The following NCOR2 variants were observed in gnomAD, a reference collection of about 807,000 sequenced individuals.
The protein encoded by NCOR2 is CTG repeat protein 26.
Under a neutral mutation model 262.9 loss-of-function variants are expected in NCOR2, and 81 were observed. The ratio of observed to expected loss-of-function variants is 0.31; its 90% CI spans 0.26 to 0.37. The LOEUF (loss-of-function observed/expected upper bound fraction) is 0.37. Ranked by LOEUF, NCOR2 falls within the 10% of genes least tolerant of loss-of-function variation. The pLI, the probability that NCOR2 is intolerant of heterozygous loss-of-function variation, is 1.00. For synonymous variants in NCOR2, 1,659 were observed against 1,559.3 expected, an observed-to-expected ratio of 1.06 and a Z score of -1.51; for missense variants, 3,385 against 3,621.4, an observed-to-expected ratio of 0.93 and a Z score of 1.68.
At chr12:124,480,473 C>A (rs2047392337) in intron 3 of NCOR2, among the ~76,000 whole-genome samples, 1 of 152,216 alleles carries the variant, frequency 6.6e-6, no homozygotes, top group Non-Finnish European at 1.5e-5. Flanking sequence ...TCTGTGGAAG[C>A]TGGAGAGAGA....
Position 124,473,023 on chromosome 12 carries a change from G to A in NCOR2, c.520C>T (p.Gln174Ter). ...TCTCGGTCCACGCGGTCCATGTTCT[G>A]GATCAGCTCCTCCTTGGACAGCCGT... The change falls in exon 4 of 47, where the codon CAG becomes TAG. Residue 174 changes from glutamine to a stop codon, truncating the protein, a stop_gained. Coordinates refer to ENST00000405201, the Ensembl canonical transcript of NCOR2. LOFTEE classifies it high-confidence loss of function. The A allele has an allele frequency of 6.2e-7, 1 of 1,614,180 alleles. No homozygotes were observed. Among genetic ancestry groups the A allele is most frequent in the Non-Finnish European group, 8.5e-7 (1 of 1,180,044 alleles).
chr12:124,328,836 T>A (rs2034922595), intron 44 of NCOR2: 1 of 244,478 alleles, frequency 4.1e-6, no homozygotes, highest in Non-Finnish European at 8.2e-6. Flanking sequence ...CTGTAGCAAC[T>A]GCTGGCTGCC....
chr12:124,379,369 CTT>C (rs775801372), intron 17 of NCOR2, among the ~76,000 whole-genome samples: 4 of 152,204 alleles, frequency 2.6e-5, no homozygotes, highest in East Asian at 3.9e-4. Flanking sequence ...GTGGGTGTCT[CTT>C]TGTCCCCACG....
At chr12:124,486,511 G>A in exon 2 of NCOR2, 1 of 1,607,278 alleles carries the variant, frequency 6.2e-7, no homozygotes, top group South Asian at 1.1e-5. Context: ...ATGGAGCCGG[G>A]CGACAGGTGG....
At chr12:124,515,183 G>A (rs756256355) in intron 1 of NCOR2, among the ~76,000 whole-genome samples, 9 of 152,084 alleles carry the variant, frequency 5.9e-5, no homozygotes, top group Non-Finnish European at 1.0e-4. Flanking sequence ...TTACAGGCCA[G>A]CTTCATGGGG....
At chr12:124,458,819 C>T (rs1253432695) in intron 5 of NCOR2, among the ~76,000 whole-genome samples, 1 of 152,148 alleles carries the variant, frequency 6.6e-6, no homozygotes, top group African/African-American at 2.4e-5. Context: ...TGGATGGGGG[C>T]AGACATCACC....
At chr12:124,388,460 C>T (rs560680339) in intron 16 of NCOR2, among the ~76,000 whole-genome samples, 32 of 152,290 alleles carry the variant, frequency 2.1e-4, no homozygotes, top group Non-Finnish European at 3.5e-4. Context: ...ACAGACCTTC[C>T]CAGGCACAGA....
intron 16 of NCOR2, among the ~76,000 whole-genome samples, chr12:124,390,709 A>G (rs2041244257): frequency 6.6e-6 from 1 of 152,198 alleles, no homozygotes. Flanking sequence ...AGGCTGGGGT[A>G]TCCCCCTTGA....
intron 1 of NCOR2, among the ~76,000 whole-genome samples, chr12:124,527,911 G>A (rs1447989227): frequency 2.6e-5 from 4 of 152,194 alleles, no homozygotes; most frequent in Admixed American, 1.3e-4. Flanking sequence ...GCCCCCGTCC[G>A]TGTCCTTCCC....
intron 6 of NCOR2, among the ~76,000 whole-genome samples, chr12:124,452,840 G>A (rs1016613180): frequency 6.6e-6 from 1 of 152,196 alleles, no homozygotes; most frequent in Admixed American, 6.5e-5. Flanking sequence ...TTCTCAAGGC[G>A]GCCATCGGTG....
intron 15 of NCOR2, among the ~76,000 whole-genome samples, chr12:124,399,856 C>G (rs1208783987): frequency 2.6e-5 from 4 of 152,166 alleles, no homozygotes; most frequent in African/African-American, 4.8e-5. Flanking sequence ...AACTGCCACT[C>G]ACATCATCTC....
rs1379543024 is a variant in NCOR2 at position 124,429,605 on chromosome 12, G to C, written c.1149+8C>G. 2.5e-6 allele frequency: 4 copies of C among 1,594,130 alleles called. No individual in the cohort carries two copies. Among genetic ancestry groups the C allele is most frequent in the Non-Finnish European group, 3.4e-6 (4 of 1,169,862 alleles). On this transcript the variant is annotated splice_region_variant and intron_variant, in intron 10 of 46. Transcript: ENST00000405201. ...GGAGCTGAGGCCAGAGTCAGGGCCTGGACTCACCTCCTGCTCTGAGAGGCC... is the reference window on the plus strand; with the variant it reads ...GGAGCTGAGGCCAGAGTCAGGGCCTCGACTCACCTCCTGCTCTGAGAGGCC...
chr12:124,336,335 G>A (rs921380808), intron 38 of NCOR2: 5 of 178,008 alleles, frequency 2.8e-5, no homozygotes, highest in Admixed American at 5.7e-5. Context: ...GGACACAGGC[G>A]CAAAGAGGGA....
In NCOR2 at chr12:124,503,665, C is replaced by T. The variant is rs867078178; in HGVS notation, c.-117-8297G>A. On this transcript the variant is annotated intron_variant, in intron 1 of 46. Transcript: ENST00000404621. The surrounding 1 kb of genome is among the most constrained non-coding windows in gnomAD (Gnocchi z 4.3). ...ATGGATGGATGGATGGATGGATGGA[C>T]GGGTGAATGGATGGATGGATGGATG... 5.8e-5 allele frequency among the ~76,000 whole-genome samples: 6 copies of T among 102,586 alleles called. No individual in the cohort carries two copies. Among genetic ancestry groups the T allele is most frequent in the South Asian group, 3.0e-4 (1 of 3,346 alleles). The allele number at this position is 102,586 out of a possible 152,430, so 67.3% of individuals were successfully genotyped here. A position where few individuals can be genotyped will look rare whatever the true frequency, so the allele number is the denominator to read the frequency against.
Position 124,430,604 on chromosome 12 carries a change from G to A in NCOR2, c.1055+11C>T, listed in dbSNP as rs2043857873. ...CTGACGTCGGGGGCCCTGGGCTCAG[G>A]CCCCGCTCACCTCTGCATGCGCTCC... On this transcript the variant is annotated intron_variant, in intron 9 of 46. Coordinates refer to ENST00000405201, the Ensembl canonical transcript of NCOR2. The A allele has an allele frequency of 1.2e-6, 2 of 1,603,798 alleles. No individual in the cohort carries two copies. Among genetic ancestry groups the A allele is most frequent in the Non-Finnish European group, 8.5e-7 (1 of 1,174,094 alleles).
At chr12:124,368,332 C>T (rs1399683242) in intron 20 of NCOR2, among the ~76,000 whole-genome samples, 1 of 152,170 alleles carries the variant, frequency 6.6e-6, no homozygotes, top group Admixed American at 6.5e-5. Context: ...ACATGCTGGG[C>T]CTGCAACAGT....
chr12:124,521,564 G>C (rs896348772), intron 1 of NCOR2, among the ~76,000 whole-genome samples: 1 of 152,186 alleles, frequency 6.6e-6, no homozygotes, highest in Non-Finnish European at 1.5e-5. Context: ...TAAGTCCACA[G>C]AGGCAGAAGG....
At chr12:124,372,426 T>A (rs1205594281) in exon 20 of NCOR2, 1 of 1,515,002 alleles carries the variant, frequency 6.6e-7, no homozygotes, top group African/African-American at 1.4e-5. Flanking sequence ...CTCCGGTGGC[T>A]TCAGAGGCCG....
chr12:124,347,936 C>A (rs767558209), intron 29 of NCOR2, 25 bp from the exon 32 acceptor site: 3 of 1,551,600 alleles, frequency 1.9e-6, no homozygotes, highest in Non-Finnish European at 2.6e-6. Context: ...GTGAGGCCAT[C>A]ATTCCGTGGC....
Sources: gnomAD v4.1 joint callset for allele counts (sites outside exome capture counted in the v4.1 genomes callset) on GRCh38, gnomAD v4.1.1 for gene constraint, Gnocchi (gnomAD v3.1) non-coding constraint, MANE v1.5 for transcripts, NCBI Gene and HGNC (gene_info 2026-07-23, HGNC 2026-07-21) for gene names.